PPP2R3B: variants seen among roughly 807,000 people sequenced by gnomAD.
PPP2R3B encodes protein phosphatase 2 regulatory subunit B''beta, also known as serine/threonine-protein phosphatase 2A regulatory subunit B'' subunit beta.
PPP2R3B carries 68 observed loss-of-function variants against 72.9 expected under a neutral mutation model. That is an observed-to-expected ratio of 0.93 (90% CI 0.77 to 1.14). PPP2R3B has a LOEUF of 1.14. Ranked by LOEUF, PPP2R3B falls within the 50% of genes most tolerant of loss-of-function variation. PPP2R3B has a pLI of 0.00. For missense variants in PPP2R3B, 1,018 were observed against 842.0 expected (o/e 1.21, Z -2.59); for synonymous variants, 466 against 375.8 (o/e 1.24, Z -2.78).
At chrX:367,421 C>G (rs371480741) in intron 1 of PPP2R3B, among the ~76,000 whole-genome samples, 6 of 143,894 alleles carry the variant, frequency 4.2e-5, no homozygotes, top group African/African-American at 1.0e-4. Context: ...AAAATTTAGT[C>G]GACGTTCCTT....
chrX:347,785 G>T lies in PPP2R3B; in HGVS notation c.511-92C>A, dbSNP rs192545495. ...TCGCGCCTGACCGACGCCGCCCAGA[G>T]ACCCTCTGCTGCAGAAAGACACAGC... On this transcript the variant is annotated intron_variant, in intron 2 of 12. Coordinates refer to ENST00000390665, the MANE Select transcript of PPP2R3B (RefSeq NM_013239.5). 3.6e-4 allele frequency: 331 copies of T among 919,136 alleles called. 2 individuals carry two copies. In the African/African-American group the frequency reaches 4.6e-3, roughly 13 times the overall value. The allele number at this position is 919,136 out of a possible 1,614,324, so 56.9% of individuals were successfully genotyped here.
intron 1 of PPP2R3B, among the ~76,000 whole-genome samples, chrX:363,222 GCCCGCGAT>G (rs1456554822): frequency 4.2e-4 from 64 of 152,274 alleles, no homozygotes; most frequent in African/African-American, 1.4e-3. Flanking sequence ...ATCTCCCCGA[GCCCGCGAT>G]CCCACAGTGC....
chrX:369,885 G>C (rs1313737085), intron 1 of PPP2R3B, among the ~76,000 whole-genome samples: 1 of 152,232 alleles, frequency 6.6e-6, no homozygotes, highest in African/African-American at 2.4e-5. Flanking sequence ...GCGGGAGGCG[G>C]AAGCACGGGA....
rs749798993 is a variant in PPP2R3B, at chrX:334,342, C to G, written c.*25G>C. 1.4e-6 allele frequency: 2 copies of G among 1,462,056 alleles called. No homozygotes were observed. Among genetic ancestry groups the G allele is most frequent in the African/African-American group, 3.0e-5 (2 of 67,546 alleles). The allele number at this position is 1,462,056 out of a possible 1,614,324, so 90.6% of individuals were successfully genotyped here. On this transcript the variant is annotated 3_prime_UTR_variant, in exon 13 of 13. Transcript: ENST00000390665. ...GGTGGTGGCACGTGGGGAGCGGCCCCGCGGCGGCGTTCTCGCGGGCGGCGT... is the reference window on the plus strand; with the variant it reads ...GGTGGTGGCACGTGGGGAGCGGCCCGGCGGCGGCGTTCTCGCGGGCGGCGT...
intron 1 of PPP2R3B, among the ~76,000 whole-genome samples, chrX:363,363 C>T (rs2071589265): frequency 6.8e-6 from 1 of 147,970 alleles, no homozygotes; most frequent in Non-Finnish European, 1.5e-5. Flanking sequence ...GTGCATCTCT[C>T]CGAGCCCACC....
Position 345,614 on chromosome X carries a change from T to G in PPP2R3B, c.938A>C (p.Tyr313Ser). ...DINQLTEFFSYEHFYVIYCKF... is the reference protein window; with the variant it reads ...DINQLTEFFSSEHFYVIYCKF... ...GCAGTAGATGACGTAGAAATGCTCGTACGAGAAGAATTCGGTCAGCTGGTT... is the reference window on the plus strand; with the variant it reads ...GCAGTAGATGACGTAGAAATGCTCGGACGAGAAGAATTCGGTCAGCTGGTT... Residue 313 changes from tyrosine (Y) to serine (S), a missense_variant, in exon 7 of 13, where the codon TAC becomes TCC. By Grantham distance (144) the Tyr-to-Ser change is moderately radical. Transcript: ENST00000390665. 6.2e-7 allele frequency: 1 copy of G among 1,613,150 alleles called. No homozygotes were observed. Among genetic ancestry groups the G allele is most frequent in the Non-Finnish European group, 8.5e-7 (1 of 1,179,538 alleles).
intron 2 of PPP2R3B, among the ~76,000 whole-genome samples, chrX:351,538 T>C (rs1227244187): frequency 4.1e-5 from 6 of 147,380 alleles, no homozygotes; most frequent in Non-Finnish European, 9.0e-5. Flanking sequence ...GCGTGATCCA[T>C]TTTTATTCTA....
intron 4 of PPP2R3B, among the ~76,000 whole-genome samples, 174 bp from the exon 5 acceptor site, chrX:346,949 G>A (rs1345147940): frequency 6.8e-6 from 1 of 146,880 alleles, no homozygotes; most frequent in Non-Finnish European, 1.5e-5. Context: ...TCCCGTGAGG[G>A]ATGAGGCATG....
At position 361,525 on chromosome X, in the gene PPP2R3B, G is replaced by A. The variant is rs765743729; in HGVS notation, c.390C>T (p.Phe130=). 22 of 1,614,030 alleles carry A rather than the reference G, an allele frequency of 1.4e-5. No homozygotes were observed. The highest frequency in any genetic ancestry group is 1.8e-5 in the Non-Finnish European group (21 of 1,179,864). Residue 130 remains phenylalanine, a synonymous_variant, in exon 2 of 13, where the codon TTC becomes TTT. Coordinates refer to ENST00000390665, the MANE Select transcript of PPP2R3B (RefSeq NM_013239.5). ...CGGAGTCCTGCGGGCGTCCTCTGGG[G>A]AAGTAGAAGGTCGGAATGCTTTGGC... ...ATSQSIPTFY[F]PRGRPQDSVN...
intron 1 of PPP2R3B, among the ~76,000 whole-genome samples, chrX:371,341 C>A (rs768582686): frequency 6.6e-6 from 1 of 152,196 alleles, no homozygotes; most frequent in Non-Finnish European, 1.5e-5. Context: ...ACGGCGTGAA[C>A]GCATGCTGTT....
chrX:369,672 G>A (rs1310680397), intron 1 of PPP2R3B, among the ~76,000 whole-genome samples: 1 of 152,234 alleles, frequency 6.6e-6, no homozygotes, highest in Non-Finnish European at 1.5e-5. Flanking sequence ...CCCCGCATGT[G>A]CAGAGGGTGC....
chrX:341,476 C>T, intron 8 of PPP2R3B, 80 bp from the exon 9 acceptor site: 1 of 1,474,958 alleles, frequency 6.8e-7, no homozygotes. Flanking sequence ...GTCCACGCGC[C>T]TCGGTGAGGG....
chrX:342,032 G>A, intron 7 of PPP2R3B, 101 bp from the exon 8 acceptor site: 1 of 1,452,006 alleles, frequency 6.9e-7, no homozygotes, highest in Non-Finnish European at 9.7e-7. Context: ...CCGAAAAGCT[G>A]AGAGGACGCC....
At chrX:361,342 G>C in intron 2 of PPP2R3B, 63 bp downstream of exon 2, 1 of 1,586,546 alleles carries the variant, frequency 6.3e-7, no homozygotes, top group Non-Finnish European at 8.6e-7. Flanking sequence ...CGGCCGCTCC[G>C]CCTCACCCTC....
At chrX:350,101 C>A (rs2071296932) in intron 2 of PPP2R3B, among the ~76,000 whole-genome samples, 1 of 152,218 alleles carries the variant, frequency 6.6e-6, no homozygotes, top group African/African-American at 2.4e-5. Context: ...CCGGTTTCAA[C>A]CCTTCCTGTA....
intron 2 of PPP2R3B, among the ~76,000 whole-genome samples, chrX:357,184 G>T (rs1486117234): frequency 7.3e-6 from 1 of 136,316 alleles, no homozygotes; most frequent in Non-Finnish European, 1.6e-5. Flanking sequence ...GGGCCAGGGA[G>T]AAAAGAGGGG....
intron 2 of PPP2R3B, among the ~76,000 whole-genome samples, chrX:360,853 G>A (rs1041373819): frequency 7.2e-5 from 11 of 152,358 alleles, no homozygotes; most frequent in African/African-American, 2.2e-4. Context: ...ATCTGTGGGC[G>A]TCCAGGCGGT....
At chrX:383,576 A>G (rs980028305) in intron 1 of PPP2R3B, among the ~76,000 whole-genome samples, 1 of 152,082 alleles carries the variant, frequency 6.6e-6, no homozygotes, top group Admixed American at 6.6e-5. Context: ...GGTGGCTCAC[A>G]CCTGTAATCC....
intron 7 of PPP2R3B, chrX:342,163 G>A (rs1195210039): frequency 2.6e-5 from 16 of 614,006 alleles, no homozygotes; most frequent in South Asian, 1.2e-4. Context: ...AAAGCTGACC[G>A]CGGCTCCAAG....
Sources: allele counts gnomAD v4.1 joint callset (sites outside exome capture counted in the v4.1 genomes callset), GRCh38; gene constraint gnomAD v4.1.1; transcripts MANE v1.5; gene names NCBI Gene and HGNC (gene_info 2026-07-23, HGNC 2026-07-21).